Variants in EPB41L5 observed in about 807,000 individuals in gnomAD.
EPB41L5 encodes the protein band 4.1-like protein 5.
In EPB41L5, 55 loss-of-function variants were observed where a neutral mutation model predicts 106.6. That is an observed-to-expected ratio of 0.52 (90% CI 0.42 to 0.65). The LOEUF is 0.65. Among genes scored for constraint, EPB41L5 ranks in the 30% least tolerant of loss-of-function variants. The pLI, the probability that EPB41L5 is intolerant of heterozygous loss-of-function variation, is 0.00. For synonymous variants in EPB41L5, 297 were observed against 306.7 expected (o/e 0.97, Z 0.33); for missense variants, 871 against 882.1 (o/e 0.99, Z 0.16).
chr2:120,042,042 A>G lies in EPB41L5; in HGVS notation c.217A>G (p.Met73Val). The G allele has an allele frequency of 6.2e-7, 1 of 1,613,558 alleles. No homozygotes were observed. The highest frequency in any genetic ancestry group is 1.1e-5 in the South Asian group (1 of 91,018). ...AGGACAAGAGTTGTTTGATCAGATT[A>G]TGTACCACCTGGACCTGATTGAAAG... is the stretch of plus-strand genomic sequence containing the variant. ...AKGQELFDQI[M>V]YHLDLIESDY... is the part of the protein sequence containing the mutation. The change falls in exon 3 of 25, where the codon ATG becomes GTG. Residue 73 changes from methionine (M) to valine (V), a missense_variant. Physicochemically the swap from Met to Val is conservative, Grantham distance 21. Coordinates refer to ENST00000263713, the MANE Select transcript of EPB41L5 (RefSeq NM_020909.4).
chr2:120,157,049 C>T (rs1322518466), intron 20 of EPB41L5, among the ~76,000 whole-genome samples: 3 of 152,148 alleles, frequency 2.0e-5, no homozygotes, highest in Non-Finnish European at 4.4e-5. Context: ...TAGAGTATTC[C>T]TCAGCAAATG....
intron 17 of EPB41L5, 36 bp from the exon 18 acceptor site, chr2:120,131,582 G>C (rs1483199556): frequency 1.3e-6 from 2 of 1,491,778 alleles, no homozygotes; most frequent in Non-Finnish European, 1.9e-6. Context: ...CAGCCTGGCA[G>C]ACTGGGGTTA....
intron 3 of EPB41L5, among the ~76,000 whole-genome samples, chr2:120,071,579 A>G (rs1334285537): frequency 6.6e-6 from 1 of 152,178 alleles, no homozygotes; most frequent in Non-Finnish European, 1.5e-5. Context: ...ACTGAAACAG[A>G]TATATAGACC....
chr2:120,147,878 C>T (rs979827830), intron 20 of EPB41L5, among the ~76,000 whole-genome samples: 1 of 151,944 alleles, frequency 6.6e-6, no homozygotes. Context: ...TCTATTTTTC[C>T]CCTAGGATTT....
At chr2:120,105,108 C>T (rs1371256480) in intron 16 of EPB41L5, 3 of 978,738 alleles carry the variant, frequency 3.1e-6, no homozygotes, top group Non-Finnish European at 2.4e-6. Flanking sequence ...ATTCTGAAGC[C>T]AAAACCATAT....
At chr2:120,161,907 C>T (rs895671029) in intron 21 of EPB41L5, among the ~76,000 whole-genome samples, 12 of 152,176 alleles carry the variant, frequency 7.9e-5, no homozygotes, top group Non-Finnish European at 1.5e-5. Context: ...CCATACCCCA[C>T]CCCCAAACCT....
At chr2:120,068,731 G>A (rs1055333023) in intron 3 of EPB41L5, among the ~76,000 whole-genome samples, 4 of 152,018 alleles carry the variant, frequency 2.6e-5, no homozygotes, top group Non-Finnish European at 5.9e-5. Context: ...AAGACACCTC[G>A]GTGTGCTGTA....
chr2:120,166,064 G>GT (rs1214216111), intron 22 of EPB41L5, among the ~76,000 whole-genome samples: 2 of 150,848 alleles, frequency 1.3e-5, no homozygotes, highest in Non-Finnish European at 2.9e-5. Flanking sequence ...ATGCCATCCT[G>GT]AAGGCTTGGA....
chr2:120,084,829 T>G (rs1186989596), intron 10 of EPB41L5, among the ~76,000 whole-genome samples: 1 of 152,216 alleles, frequency 6.6e-6, no homozygotes, highest in Non-Finnish European at 1.5e-5. Context: ...CGTTCCTTTT[T>G]ACTCTTTTTT....
At chr2:120,054,688 T>C (rs7563035) in intron 3 of EPB41L5, among the ~76,000 whole-genome samples, 96,042 of 151,498 alleles carry the variant, frequency 0.63, 31,845 homozygotes, top group Middle Eastern at 0.74. Flanking sequence ...TGCTATGAAG[T>C]TGGGGTCCAC....
Position 120,057,797 on chromosome 2 carries a change from G to C in EPB41L5, c.286-15381G>C, listed in dbSNP as rs1680760964. ...ACATGTAGCAAAGCCACCCATGACA[G>C]GAGCACTGCCAATATTAGTGGTTAA... On this transcript the variant is annotated intron_variant, in intron 3 of 24. Coordinates refer to ENST00000263713, the MANE Select transcript of EPB41L5 (RefSeq NM_020909.4). Among the ~76,000 whole-genome samples, 3 of 151,958 alleles carry C rather than the reference G, an allele frequency of 2.0e-5. No homozygotes were observed. In the South Asian group the frequency reaches 6.2e-4, roughly 32 times the overall value.
chr2:120,149,301 A>G (rs553011654), intron 20 of EPB41L5, among the ~76,000 whole-genome samples: 2 of 152,204 alleles, frequency 1.3e-5, no homozygotes, highest in Admixed American at 6.5e-5. Context: ...TTTAGTACAT[A>G]CAACCACCAT....
At chr2:120,026,357 TTTTG>T (rs146589355) in intron 2 of EPB41L5, among the ~76,000 whole-genome samples, 41,096 of 151,282 alleles carry the variant, frequency 0.27, 5,909 homozygotes, top group African/African-American at 0.36. Context: ...CTTTCTGTTT[TTTTG>T]TTTGTTTGTT....
intron 3 of EPB41L5, among the ~76,000 whole-genome samples, chr2:120,069,681 C>A (rs1483797445): frequency 6.6e-6 from 1 of 152,192 alleles, no homozygotes; most frequent in Non-Finnish European, 1.5e-5. Flanking sequence ...AATAGCACAA[C>A]TACATGGGAA....
intron 3 of EPB41L5, among the ~76,000 whole-genome samples, chr2:120,046,674 T>A (rs1558822114): frequency 6.6e-6 from 1 of 152,190 alleles, no homozygotes; most frequent in Non-Finnish European, 1.5e-5. Context: ...TTAGATCTCA[T>A]TTGCCAATTT....
At chr2:120,045,438 A>G (rs1679701504) in intron 3 of EPB41L5, among the ~76,000 whole-genome samples, 1 of 152,190 alleles carries the variant, frequency 6.6e-6, no homozygotes, top group South Asian at 2.1e-4. Flanking sequence ...ACCATGTGAG[A>G]GAGAGTTATA....
intron 2 of EPB41L5, among the ~76,000 whole-genome samples, chr2:120,035,887 G>A (rs1336831920): frequency 6.6e-6 from 1 of 152,092 alleles, no homozygotes; most frequent in Non-Finnish European, 1.5e-5. Flanking sequence ...TAAAACTTAA[G>A]ACAGAAAAAT....
chr2:120,087,569 C>T (rs1683140902), intron 11 of EPB41L5, among the ~76,000 whole-genome samples: 1 of 152,180 alleles, frequency 6.6e-6, no homozygotes, highest in Admixed American at 6.5e-5. Flanking sequence ...GTAACCTTCA[C>T]CTTCTGGGCT....
At chr2:120,073,671 A>G (rs1574597027) in intron 4 of EPB41L5, among the ~76,000 whole-genome samples, 1 of 152,290 alleles carries the variant, frequency 6.6e-6, no homozygotes, top group African/African-American at 2.4e-5. Flanking sequence ...TTTTTATCAG[A>G]CTTATTAGGG....
Sources: allele counts gnomAD v4.1 joint callset (sites outside exome capture counted in the v4.1 genomes callset), GRCh38; gene constraint gnomAD v4.1.1; transcripts MANE v1.5; gene names NCBI Gene and HGNC (gene_info 2026-07-23, HGNC 2026-07-21).